The following DNER variants were observed in gnomAD, a reference collection of about 807,000 sequenced individuals.
DNER encodes delta/notch like EGF repeat containing.
A neutral mutation model predicts 78.2 loss-of-function variants in DNER; 33 were observed. The observed-to-expected ratio is 0.42, with a 90% CI of 0.32 to 0.56. DNER has a LOEUF of 0.56. Among genes scored for constraint, DNER ranks in the 20% least tolerant of loss-of-function variants. The pLI is 0.11. For missense variants in DNER, 918 were observed against 975.3 expected (o/e 0.94, Z 0.78); for synonymous variants, 417 against 384.8 (o/e 1.08, Z -0.98).
intron 8 of DNER, among the ~76,000 whole-genome samples, chr2:229,433,624 T>C (rs1262926013): frequency 6.6e-6 from 1 of 152,224 alleles, no homozygotes; most frequent in Admixed American, 6.5e-5. Context: ...AGGGCAATTT[T>C]TCCCACATCT....
chr2:229,362,216 C>T (rs1380219508), intron 12 of DNER, among the ~76,000 whole-genome samples: 1 of 152,184 alleles, frequency 6.6e-6, no homozygotes, highest in Non-Finnish European at 1.5e-5. Context: ...ACTGATTGAT[C>T]ATCTCATCTC....
intron 4 of DNER, among the ~76,000 whole-genome samples, chr2:229,556,565 C>CTTAT (rs1013554623): frequency 4.6e-5 from 7 of 152,146 alleles, no homozygotes; most frequent in Admixed American, 4.6e-4. Context: ...TAAAGGCAAC[C>CTTAT]TTATGCACAT....
chr2:229,616,775 G>A (rs1230214034), intron 1 of DNER, among the ~76,000 whole-genome samples: 1 of 152,158 alleles, frequency 6.6e-6, no homozygotes, highest in Non-Finnish European at 1.5e-5. Flanking sequence ...GTGATGCCAG[G>A]ACCATCTCTG....
intron 4 of DNER, among the ~76,000 whole-genome samples, chr2:229,562,306 C>T (rs894466170): frequency 6.6e-6 from 1 of 152,118 alleles, no homozygotes; most frequent in African/African-American, 2.4e-5. Flanking sequence ...ATCCCCTTCT[C>T]GGTCCTCTTC....
intron 11 of DNER, among the ~76,000 whole-genome samples, chr2:229,378,803 C>A (rs1357730473): frequency 6.6e-6 from 1 of 152,140 alleles, no homozygotes; most frequent in Non-Finnish European, 1.5e-5. Flanking sequence ...AGCTTCCCTG[C>A]CCACCAAATG....
chr2:229,654,909 T>C (rs1018101883), intron 1 of DNER, among the ~76,000 whole-genome samples: 2 of 152,170 alleles, frequency 1.3e-5, no homozygotes, highest in Non-Finnish European at 2.9e-5. Context: ...ACTAGAAGTG[T>C]TGGTTTTATA....
rs1408249720 is a variant in DNER, at chr2:229,591,322, A to C, written c.585+258T>G. On this transcript the variant is annotated intron_variant, in intron 2 of 12. Transcript: ENST00000341772. This position sits in a 1 kb window ranked among gnomAD's most constrained non-coding sequence, Gnocchi z 4.6. ...ATGACTACACTGAGCTGTCTTCCCC[A>C]AAATCTAAGATTATCTCACAGAAAT... Among the ~76,000 whole-genome samples, 1 of 152,216 alleles carries C rather than the reference A, an allele frequency of 6.6e-6. No individual in the cohort carries two copies. Among genetic ancestry groups the C allele is most frequent in the Non-Finnish European group, 1.5e-5 (1 of 68,040 alleles).
chr2:229,606,554 A>G (rs1697941968), intron 1 of DNER, among the ~76,000 whole-genome samples: 1 of 152,176 alleles, frequency 6.6e-6, no homozygotes, highest in Non-Finnish European at 1.5e-5. Flanking sequence ...TGTGATTAAC[A>G]ACATCTCCTT....
intron 1 of DNER, among the ~76,000 whole-genome samples, chr2:229,654,233 C>A (rs772212672): frequency 5.9e-5 from 9 of 151,868 alleles, no homozygotes; most frequent in South Asian, 2.1e-4. Context: ...TCTGTCCTTG[C>A]GATAGTTTGC....
At chr2:229,545,267 C>G (rs1696601884) in intron 5 of DNER, among the ~76,000 whole-genome samples, 1 of 152,100 alleles carries the variant, frequency 6.6e-6, no homozygotes, top group African/African-American at 2.4e-5. Context: ...CTGGATCCAC[C>G]TGCAAAATAT....
intron 1 of DNER, among the ~76,000 whole-genome samples, chr2:229,709,208 T>C (rs962412072): frequency 2.6e-5 from 4 of 152,218 alleles, no homozygotes; most frequent in African/African-American, 9.6e-5. Context: ...TTTTTCAAAA[T>C]GTTTTAAACT....
chr2:229,424,626 C>T (rs190964559), intron 8 of DNER, among the ~76,000 whole-genome samples: 285 of 152,140 alleles, frequency 1.9e-3, no homozygotes, highest in Non-Finnish European at 3.2e-3. Flanking sequence ...ATAAGGACAC[C>T]GGTGCTATTG....
intron 4 of DNER, among the ~76,000 whole-genome samples, chr2:229,565,269 A>C (rs1697082882): frequency 6.6e-6 from 1 of 152,202 alleles, no homozygotes; most frequent in South Asian, 2.1e-4. Context: ...AGCCCTTCTC[A>C]ATTCAAATCT....
intron 7 of DNER, among the ~76,000 whole-genome samples, chr2:229,466,095 C>G (rs774487510): frequency 3.3e-5 from 5 of 152,124 alleles, no homozygotes; most frequent in African/African-American, 4.8e-5. Flanking sequence ...ATTCTTCCCC[C>G]CTAAACACAG....
At chr2:229,606,534 G>A (rs1697941694) in intron 1 of DNER, among the ~76,000 whole-genome samples, 1 of 152,014 alleles carries the variant, frequency 6.6e-6, no homozygotes, top group African/African-American at 2.4e-5. Flanking sequence ...TCTCCCATAT[G>A]AATGTCCCCT....
intron 1 of DNER, among the ~76,000 whole-genome samples, chr2:229,614,981 CATTT>C (rs1252513724): frequency 1.3e-5 from 2 of 152,158 alleles, no homozygotes; most frequent in Non-Finnish European, 2.9e-5. Context: ...TTAGCAGTAA[CATTT>C]ATCACCAAAG....
At chr2:229,527,147 G>A (rs1423853830) in intron 5 of DNER, among the ~76,000 whole-genome samples, 1 of 152,118 alleles carries the variant, frequency 6.6e-6, no homozygotes, top group Non-Finnish European at 1.5e-5. Context: ...TCACGTCATC[G>A]CGTGAGGGAT....
chr2:229,517,391 G>T (rs1462139024), intron 5 of DNER, among the ~76,000 whole-genome samples: 3 of 152,206 alleles, frequency 2.0e-5, no homozygotes, highest in Non-Finnish European at 2.9e-5. Flanking sequence ...ACAGGGAATA[G>T]AAGTGGAAGG....
At position 229,660,278 on chromosome 2, in the gene DNER, C is replaced by T. The variant is rs144506834; in HGVS notation, c.276+53870G>A. 4.1e-3 allele frequency among the ~76,000 whole-genome samples: 625 copies of T among 152,242 alleles called. 5 individuals are homozygous for T. The highest frequency in any genetic ancestry group is 0.015 in the African/African-American group (605 of 41,528). On this transcript the variant is annotated intron_variant, in intron 1 of 12. Transcript: ENST00000341772. ...TTCCTGATCCTCTCCCTCCTCCCACCCTCTACCCTCCAAAAGGCCCCAATG... is the reference window on the plus strand; with the variant it reads ...TTCCTGATCCTCTCCCTCCTCCCACTCTCTACCCTCCAAAAGGCCCCAATG...
Sources: allele counts gnomAD v4.1 joint callset (sites outside exome capture counted in the v4.1 genomes callset), GRCh38; gene constraint gnomAD v4.1.1; non-coding constraint Gnocchi (gnomAD v3.1); transcripts MANE v1.5; gene names NCBI Gene and HGNC (gene_info 2026-07-23, HGNC 2026-07-21).